PREX1: variants seen among roughly 807,000 people sequenced by gnomAD.
The protein encoded by PREX1 is phosphatidylinositol-3,4,5-trisphosphate dependent Rac exchange factor 1.
Under a neutral mutation model 198.3 loss-of-function variants are expected in PREX1, and 41 were observed. That is an observed-to-expected ratio of 0.21 (90% CI 0.16 to 0.27). The LOEUF (loss-of-function observed/expected upper bound fraction) is 0.27. Ranked by LOEUF, PREX1 falls within the 10% of genes least tolerant of loss-of-function variation. The pLI is 1.00. For synonymous variants in PREX1, 843 were observed against 887.2 expected, an observed-to-expected ratio of 0.95 and a Z score of 0.89; for missense variants, 1,620 against 2,200.7, an observed-to-expected ratio of 0.74 and a Z score of 5.28.
chr20:48,772,096 A>G (rs1304908061), intron 1 of PREX1, among the ~76,000 whole-genome samples: 1 of 152,180 alleles, frequency 6.6e-6, no homozygotes, highest in East Asian at 1.9e-4. Flanking sequence ...CAGGAAGCTG[A>G]GGCAAGAGAA....
At chr20:48,837,430 T>C in the PREX1 span, among the ~76,000 whole-genome samples, 6 of 152,180 alleles carry the variant, frequency 3.9e-5, no homozygotes, top group Admixed American at 1.3e-4. Context: ...TGAATGCCCA[T>C]CAGTGGCAGA....
chr20:48,842,886 A>G, the PREX1 span, among the ~76,000 whole-genome samples: 1 of 152,168 alleles, frequency 6.6e-6, no homozygotes, highest in African/African-American at 2.4e-5. Flanking sequence ...TTCCTGAGCC[A>G]CTAATCATAA....
At position 48,652,603 on chromosome 20, in the gene PREX1, T is replaced by C. The variant is rs1460132928; in HGVS notation, c.2450A>G (p.Glu817Gly). The stretch of plus-strand genomic sequence containing the variant: ...TCTATTACCTGAATCAGCCTGGTCT[T>C]CCTCCTGGGCCTGCTCGCCACTGGG... ...EDPSGEQAQE[E>G]DQADSAFPLL... Residue 817 changes from glutamate (E) to glycine (G), a missense_variant, in exon 21 of 40, where the codon GAA becomes GGA. Transcript: ENST00000371941. 6.2e-7 allele frequency: 1 copy of C among 1,611,820 alleles called. No individual in the cohort carries two copies. The highest frequency in any genetic ancestry group is 8.5e-7 in the Non-Finnish European group (1 of 1,178,760).
intron 29 of PREX1, among the ~76,000 whole-genome samples, chr20:48,641,862 G>A (rs1342415359): frequency 6.8e-5 from 6 of 88,164 alleles, no homozygotes; most frequent in South Asian, 5.6e-4. Context: ...AAGGAAGGAA[G>A]GAAGGAAGGA....
intron 4 of PREX1, 120 bp from the exon 5 acceptor site, chr20:48,726,511 G>A (rs1445639363): frequency 1.5e-5 from 11 of 723,570 alleles, no homozygotes; most frequent in African/African-American, 3.5e-5. Context: ...GCGATTTAGC[G>A]ACCCGTAGAA....
At position 48,634,793 on chromosome 20, in the gene PREX1, C is replaced by T. The variant is rs370454379; in HGVS notation, c.4168-18G>A. 1,182 of 1,608,554 alleles carry T rather than the reference C, an allele frequency of 7.3e-4. 1 individual carries two copies. Among genetic ancestry groups the T allele is most frequent in the Non-Finnish European group, 9.5e-4 (1,121 of 1,175,250 alleles). Reference sequence around the variant, plus strand: ...TCCTCCTTCTGCAGGAAGAAGACAGCGCGGAGGAGTCTCAGATGCCAACCC... The same window carrying T: ...TCCTCCTTCTGCAGGAAGAAGACAGTGCGGAGGAGTCTCAGATGCCAACCC... On this transcript the variant is annotated intron_variant, in intron 32 of 39. Transcript: ENST00000371941.
chr20:48,642,290 G>T (rs773373722), intron 28 of PREX1, 32 bp from the exon 29 acceptor site: 9 of 1,609,820 alleles, frequency 5.6e-6, no homozygotes, highest in Non-Finnish European at 7.7e-6. Context: ...GTTGGTTTGG[G>T]CCCCGTGGCC....
At chr20:48,636,311 T>C (rs550783371) in intron 32 of PREX1, 152 bp downstream of exon 32, 39 of 811,632 alleles carry the variant, frequency 4.8e-5, no homozygotes, top group Non-Finnish European at 7.0e-5. Flanking sequence ...TCAGTGCCTA[T>C]AAAACAGCAC....
At chr20:48,705,637 T>C (rs1281761069) in intron 6 of PREX1, among the ~76,000 whole-genome samples, 1 of 152,224 alleles carries the variant, frequency 6.6e-6, no homozygotes. Context: ...TACTAACAGA[T>C]AGCATGGAAG....
the PREX1 span, among the ~76,000 whole-genome samples, chr20:48,872,326 T>C: frequency 1.3e-5 from 2 of 152,150 alleles, no homozygotes; most frequent in African/African-American, 4.8e-5. Context: ...TGAATATACA[T>C]GTAAAGCAAT....
chr20:48,672,041 G>A lies in PREX1; in HGVS notation c.1665+4152C>T, dbSNP rs138511266. 1.5e-3 allele frequency among the ~76,000 whole-genome samples: 228 copies of A among 152,318 alleles called. 2 individuals are homozygous for A. The highest frequency in any genetic ancestry group is 5.2e-3 in the African/African-American group (217 of 41,558). ...AAGCTACTCCAAGGGGCCTCTGGCC[G>A]AGCCCACAACTCCTCGGCCAGCACT... On this transcript the variant is annotated intron_variant, in intron 14 of 39. Coordinates refer to ENST00000371941, the MANE Select transcript of PREX1 (RefSeq NM_020820.4).
chr20:48,690,702 G>T (rs1215172939), intron 9 of PREX1, among the ~76,000 whole-genome samples: 1 of 152,152 alleles, frequency 6.6e-6, no homozygotes, highest in Non-Finnish European at 1.5e-5. Context: ...ATGCTTAAGG[G>T]TGAAGACCTT....
chr20:48,833,026 C>A, the PREX1 span, among the ~76,000 whole-genome samples: 1 of 152,244 alleles, frequency 6.6e-6, no homozygotes, highest in African/African-American at 2.4e-5. Context: ...AGTCCCACTG[C>A]TTCCTAATTG....
intron 1 of PREX1, among the ~76,000 whole-genome samples, chr20:48,784,711 G>A (rs370007331): frequency 2.6e-5 from 4 of 152,122 alleles, no homozygotes; most frequent in Non-Finnish European, 5.9e-5. Flanking sequence ...GCAAGTGGGC[G>A]ACTGGGCATG....
chr20:48,828,670 C>G (rs911937916), upstream of PREX1, among the ~76,000 whole-genome samples: 3 of 152,228 alleles, frequency 2.0e-5, no homozygotes, highest in Non-Finnish European at 4.4e-5. Context: ...TTCCCGTTTC[C>G]TTTCCCATCT....
intron 18 of PREX1, chr20:48,656,448 C>T (rs1382113288): frequency 3.5e-5 from 16 of 456,570 alleles, no homozygotes; most frequent in Non-Finnish European, 6.2e-5. Flanking sequence ...ACCCTACAGA[C>T]CTCACTACCC....
intron 6 of PREX1, among the ~76,000 whole-genome samples, chr20:48,706,773 G>C (rs1316573995): frequency 3.9e-5 from 6 of 152,190 alleles, no homozygotes; most frequent in Non-Finnish European, 8.8e-5. Context: ...GCAGGAAACA[G>C]AAACCAAGCC....
At chr20:48,855,293 T>A in the PREX1 span, among the ~76,000 whole-genome samples, 1 of 152,176 alleles carries the variant, frequency 6.6e-6, no homozygotes, top group Admixed American at 6.5e-5. Flanking sequence ...AGTGCCTATA[T>A]CTTGGTCATC....
rs1273547534 is a variant in PREX1, at chr20:48,649,447, G to A, written c.3158C>T (p.Ala1053Val). Reference protein sequence around the residue: ...QGLHDGSFGPASGTLGQEDRG... With the variant: ...QGLHDGSFGPVSGTLGQEDRG... ...GTCTTCCTGACCAAGGGTCCCACTG[G>A]CTGGCCCGAAGCTGCCATCATGGAG... Residue 1053 changes from alanine to valine, a missense_variant, in exon 25 of 40, where the codon GCC (alanine) becomes GTC (valine). By Grantham distance (64) the Ala-to-Val change is moderately conservative (BLOSUM62 0). Transcript: ENST00000371941. 2 of 1,614,168 alleles carry A rather than the reference G, an allele frequency of 1.2e-6. No individual in the cohort carries two copies. Among genetic ancestry groups the A allele is most frequent in the Non-Finnish European group, 1.7e-6 (2 of 1,180,016 alleles).
Sources: gnomAD v4.1 joint callset for allele counts (sites outside exome capture counted in the v4.1 genomes callset) on GRCh38, gnomAD v4.1.1 for gene constraint, MANE v1.5 for transcripts, NCBI Gene and HGNC (gene_info 2026-07-23, HGNC 2026-07-21) for gene names.